ERBB4: variants seen among roughly 807,000 people sequenced by gnomAD.
The protein encoded by ERBB4 is erb-b2 receptor tyrosine kinase 4, also known as receptor tyrosine-protein kinase erbB-4.
Under a neutral mutation model 158.0 loss-of-function variants are expected in ERBB4, and 42 were observed. The ratio of observed to expected loss-of-function variants is 0.27; its 90% CI spans 0.21 to 0.34. ERBB4 has a LOEUF of 0.34. Among genes scored for constraint, ERBB4 ranks in the 10% least tolerant of loss-of-function variants. The pLI is 1.00. For missense variants in ERBB4, 1,333 were observed against 1,624.1 expected (o/e 0.82, Z 3.08); for synonymous variants, 583 against 558.7 (o/e 1.04, Z -0.61).
chr2:211,883,876 T>G (rs1333200409), intron 3 of ERBB4, among the ~76,000 whole-genome samples: 1 of 152,192 alleles, frequency 6.6e-6, no homozygotes, highest in African/African-American at 2.4e-5. Context: ...TTGTATGCAT[T>G]ATAGAAAAAC....
chr2:211,954,086 T>A (rs1190654999), intron 2 of ERBB4, among the ~76,000 whole-genome samples: 3 of 152,050 alleles, frequency 2.0e-5, no homozygotes, highest in Non-Finnish European at 4.4e-5. Flanking sequence ...ATTCCACAAC[T>A]CTTTTAATAG....
intron 20 of ERBB4, among the ~76,000 whole-genome samples, chr2:211,439,474 T>C (rs1057367215): frequency 2.6e-5 from 4 of 152,202 alleles, no homozygotes; most frequent in African/African-American, 9.6e-5. Context: ...CAAGATTACA[T>C]TCAGTTTTGT....
chr2:211,778,848 T>C (rs1045980316), intron 4 of ERBB4: 1 of 152,254 alleles, frequency 6.6e-6, no homozygotes, highest in Non-Finnish European at 1.5e-5. Flanking sequence ...CAGTCCTTCT[T>C]ACTCCTTTCC....
rs71054136 is a variant in ERBB4, at chr2:211,721,443, C to CAAAAAAAAAAAAAAA, written c.883+935_883+949dup. ...GAAATGTCCCATTGGTTACTCAAAGCAAAAAAAAAAAAAAAAAAAAAATAG... is the reference window on the plus strand; with the variant it reads ...GAAATGTCCCATTGGTTACTCAAAGCAAAAAAAAAAAAAAAAAAAAAAAAAAAAAAAAAAAAATAG... On this transcript the variant is annotated intron_variant, in intron 7 of 27. Transcript: ENST00000342788. Among the ~76,000 whole-genome samples the CAAAAAAAAAAAAAAA allele has an allele frequency of 5.3e-3, 289 of 54,482 alleles. 58 individuals are homozygous for CAAAAAAAAAAAAAAA. The highest frequency in any genetic ancestry group is 9.7e-3 in the African/African-American group (102 of 10,534). The allele number at this position is 54,482 out of a possible 152,430, so 35.7% of individuals were successfully genotyped here. A position where few individuals can be genotyped will look rare whatever the true frequency, so the allele number is the denominator to read the frequency against.
intron 2 of ERBB4, among the ~76,000 whole-genome samples, chr2:212,086,289 T>G (rs181434550): frequency 1.3e-5 from 2 of 151,684 alleles, no homozygotes; most frequent in African/African-American, 4.8e-5. Context: ...GAATGATAGA[T>G]GGATACAATA....
At chr2:211,443,472 C>T (rs758642495) in intron 20 of ERBB4, among the ~76,000 whole-genome samples, 7 of 152,124 alleles carry the variant, frequency 4.6e-5, no homozygotes, top group Non-Finnish European at 1.0e-4. Context: ...TGCTCATGCA[C>T]ACTGACAATG....
At chr2:211,456,000 T>C (rs564495144) in intron 20 of ERBB4, among the ~76,000 whole-genome samples, 1 of 152,350 alleles carries the variant, frequency 6.6e-6, no homozygotes, top group Admixed American at 6.5e-5. Context: ...TTTGGTCATT[T>C]TACTTAGTAT....
chr2:212,428,312 T>C (rs2091958641), intron 1 of ERBB4, among the ~76,000 whole-genome samples: 1 of 152,182 alleles, frequency 6.6e-6, no homozygotes, highest in African/African-American at 2.4e-5. Flanking sequence ...TCAGCTTATG[T>C]TTTGTAAATA....
intron 3 of ERBB4, among the ~76,000 whole-genome samples, chr2:211,861,155 T>TA (rs1491478255): frequency 4.1e-4 from 20 of 49,338 alleles, no homozygotes; most frequent in African/African-American, 1.5e-3. Context: ...TATATATATA[T>TA]TAAAAAAAAG....
intron 12 of ERBB4, among the ~76,000 whole-genome samples, chr2:211,682,989 T>C (rs1034673946): frequency 6.6e-6 from 1 of 151,834 alleles, no homozygotes; most frequent in South Asian, 2.1e-4. Context: ...ATAAATTGAT[T>C]ATTAAAATGA....
At chr2:211,623,371 T>A (rs2069710684) in intron 18 of ERBB4, among the ~76,000 whole-genome samples, 1 of 151,996 alleles carries the variant, frequency 6.6e-6, no homozygotes, top group Admixed American at 6.6e-5. Context: ...CCATGGAAAT[T>A]ATTTACAAAA....
intron 1 of ERBB4, among the ~76,000 whole-genome samples, chr2:212,527,388 T>C (rs565443017): frequency 2.0e-5 from 3 of 152,158 alleles, no homozygotes; most frequent in Admixed American, 6.6e-5. Context: ...ACTTAATAAT[T>C]TTCTTCCAGA....
chr2:211,503,063 C>G (rs2065655853), intron 20 of ERBB4, among the ~76,000 whole-genome samples: 1 of 152,124 alleles, frequency 6.6e-6, no homozygotes, highest in African/African-American at 2.4e-5. Context: ...CAGACTAGAC[C>G]TGAGGAATGG....
chr2:211,441,418 T>C (rs1428868862), intron 20 of ERBB4, among the ~76,000 whole-genome samples: 2 of 152,188 alleles, frequency 1.3e-5, no homozygotes, highest in African/African-American at 4.8e-5. Flanking sequence ...ATAGTAATAA[T>C]ACAAATTTCA....
At chr2:212,178,541 T>C (rs934869780) in intron 1 of ERBB4, among the ~76,000 whole-genome samples, 4 of 151,796 alleles carry the variant, frequency 2.6e-5, no homozygotes, top group Admixed American at 2.6e-4. Context: ...TATTTCATCC[T>C]CTTAAATACA....
At chr2:211,776,357 T>C (rs1226813598) in intron 4 of ERBB4, among the ~76,000 whole-genome samples, 1 of 152,218 alleles carries the variant, frequency 6.6e-6, no homozygotes, top group Non-Finnish European at 1.5e-5. Flanking sequence ...TCAGTCAAGC[T>C]TTTGTTTATT....
rs550252278 is a variant in ERBB4 at position 212,474,882 on chromosome 2, T to G, written c.82+63567A>C. 5.7e-5 allele frequency among the ~76,000 whole-genome samples: 8 copies of G among 140,694 alleles called. No individual in the cohort carries two copies. The South Asian group carries it at 1.9e-3, about 33-fold the overall frequency. 92.3% of individuals were successfully genotyped at this position (140,694 alleles called of 152,430 possible). A position where few individuals can be genotyped will look rare whatever the true frequency, so the allele number is the denominator to read the frequency against. On this transcript the variant is annotated intron_variant, in intron 1 of 27. Transcript: ENST00000342788. ...GCTCTATTGTCCTTCAACCTCCTGA[T>G]GGGCTCAAGGATTCCTAGCAGCTCA...
chr2:212,378,015 A>G (rs868158147), intron 1 of ERBB4, among the ~76,000 whole-genome samples: 18 of 151,880 alleles, frequency 1.2e-4, no homozygotes, highest in Middle Eastern at 3.4e-3. Context: ...GCCTAGGCCT[A>G]CACAGGATCA....
At chr2:211,935,035 AT>A (rs2080281913) in intron 3 of ERBB4, among the ~76,000 whole-genome samples, 1 of 151,956 alleles carries the variant, frequency 6.6e-6, no homozygotes, top group Non-Finnish European at 1.5e-5. Context: ...GTTTAGTGTC[AT>A]GTGATCCCCT....
Sources: allele counts gnomAD v4.1 joint callset (sites outside exome capture counted in the v4.1 genomes callset), GRCh38; gene constraint gnomAD v4.1.1; transcripts MANE v1.5; gene names NCBI Gene and HGNC (gene_info 2026-07-23, HGNC 2026-07-21).